SMS: variants seen among roughly 807,000 people sequenced by gnomAD.
The protein encoded by SMS is spermine synthase.
Under a neutral mutation model 33.0 loss-of-function variants are expected in SMS, and 3 were observed. That is an observed-to-expected ratio of 0.09 (90% CI 0.04 to 0.23). SMS has a LOEUF of 0.23. SMS is among the 10% of genes least tolerant of loss of function. The probability of loss-of-function intolerance (pLI) is 1.00; values close to 1 mark genes in which losing one functional copy is unlikely to be tolerated. For synonymous variants in SMS, 103 were observed against 112.2 expected, an observed-to-expected ratio of 0.92 and a Z score of 0.52; for missense variants, 117 against 288.6, an observed-to-expected ratio of 0.41 and a Z score of 4.31.
chrX:21,972,456 T>G (rs773570855), intron 3 of SMS, 51 bp from the exon 4 acceptor site: 12 of 845,843 alleles, frequency 1.4e-5, no homozygotes, highest in Non-Finnish European at 1.8e-5. Context: ...GTAATTTAGT[T>G]CTTCCATGCA....
chrX:21,972,006 T>A lies in SMS; in HGVS notation c.264+16T>A, dbSNP rs1057022824. The A allele has an allele frequency of 9.5e-7, 1 of 1,051,255 alleles. No individual in the cohort carries two copies. Among genetic ancestry groups the A allele is most frequent in the Non-Finnish European group, 1.3e-6 (1 of 750,031 alleles). 86.6% of individuals were successfully genotyped at this position (1,051,255 alleles called of 1,213,427 possible). On this transcript the variant is annotated intron_variant, in intron 3 of 10. Coordinates refer to ENST00000404933, the MANE Select transcript of SMS (RefSeq NM_004595.5). ...GATCGACAGTGTCGGTTTTTCACTTTCATTTACTCAGTGTTTAAGGATCAT... is the reference window on the plus strand; with the variant it reads ...GATCGACAGTGTCGGTTTTTCACTTACATTTACTCAGTGTTTAAGGATCAT...
Position 21,957,602 on chromosome X carries a change from G to A in SMS, c.50-9594G>A, listed in dbSNP as rs1341396375. 8.0e-5 allele frequency among the ~76,000 whole-genome samples: 9 copies of A among 112,033 alleles called. No individual in the cohort carries two copies. The South Asian group carries it at 1.5e-3, about 18-fold the overall frequency. On this transcript the variant is annotated intron_variant, in intron 1 of 10. Coordinates refer to ENST00000404933, the MANE Select transcript of SMS (RefSeq NM_004595.5). ...TGCCCGGCCTTCTTTTTCAAATAATGGCTTTTTTTCCTCTGGGTATATACC... is the reference window on the plus strand; with the variant it reads ...TGCCCGGCCTTCTTTTTCAAATAATAGCTTTTTTTCCTCTGGGTATATACC...
chrX:21,942,281 C>T (rs989317061), intron 1 of SMS, among the ~76,000 whole-genome samples: 1 of 111,313 alleles, frequency 9.0e-6, no homozygotes. Context: ...TAAAGGATCT[C>T]CGAAGGCACA....
chrX:21,985,113 A>G, intron 8 of SMS, 31 bp from the exon 9 acceptor site: 1 of 963,835 alleles, frequency 1.0e-6, no homozygotes, highest in Middle Eastern at 3.3e-4. Flanking sequence ...ACAAACCCAT[A>G]TTTATGAAAC....
At chrX:21,986,290 G>A (rs13440719) in intron 9 of SMS, among the ~76,000 whole-genome samples, 12,781 of 94,719 alleles carry the variant, frequency 0.13, 1,392 homozygotes, top group African/African-American at 0.35. Flanking sequence ...AGAGGTTGCA[G>A]TGAGCCGAGA....
chrX:21,984,233 C>T, intron 7 of SMS, 71 bp from the exon 8 acceptor site: 1 of 710,824 alleles, frequency 1.4e-6, no homozygotes, highest in Non-Finnish European at 2.3e-6. Context: ...TTCCTCCTTC[C>T]TTTACTATTG....
chrX:21,993,887 T>A (rs1326791776), intron 10 of SMS, among the ~76,000 whole-genome samples: 2 of 109,042 alleles, frequency 1.8e-5, no homozygotes, highest in Non-Finnish European at 3.8e-5. Context: ...TCCTCTGACC[T>A]TTTTTCCCTC....
chrX:21,985,383 T>C (rs748499785), intron 9 of SMS, among the ~76,000 whole-genome samples, 160 bp downstream of exon 9: 1 of 112,194 alleles, frequency 8.9e-6, no homozygotes, highest in African/African-American at 3.2e-5. Flanking sequence ...TGTTGTCTGT[T>C]GGGAATTAAT....
intron 2 of SMS, among the ~76,000 whole-genome samples, chrX:21,969,275 G>A (rs1923955738): frequency 8.9e-6 from 1 of 111,934 alleles, no homozygotes; most frequent in South Asian, 3.7e-4. Flanking sequence ...TAACTGTGTA[G>A]CAAACCTCCC....
At chrX:21,950,598 C>T (rs1922540260) in intron 1 of SMS, among the ~76,000 whole-genome samples, 1 of 108,109 alleles carries the variant, frequency 9.2e-6, no homozygotes, top group African/African-American at 3.4e-5. Flanking sequence ...CCTCCCCTTG[C>T]CCCCCACCCC....
At chrX:21,955,401 T>A (rs1198891063) in intron 1 of SMS, among the ~76,000 whole-genome samples, 2 of 112,150 alleles carry the variant, frequency 1.8e-5, no homozygotes, top group Non-Finnish European at 3.8e-5. Flanking sequence ...CCCTCTGTGA[T>A]GAGGGGGTGA....
intron 9 of SMS, among the ~76,000 whole-genome samples, chrX:21,989,255 G>C (rs942889051): frequency 9.0e-6 from 1 of 110,856 alleles, no homozygotes; most frequent in Non-Finnish European, 1.9e-5. Flanking sequence ...GGGCAACATA[G>C]TGAAGACCCC....
intron 1 of SMS, among the ~76,000 whole-genome samples, chrX:21,945,310 A>G (rs1922134866): frequency 8.9e-6 from 1 of 112,193 alleles, no homozygotes. Flanking sequence ...AGGATGGTCC[A>G]GAATTCAGAA....
intron 4 of SMS, 135 bp downstream of exon 4, chrX:21,972,706 T>TGA (rs1924256026): frequency 1.0e-5 from 5 of 499,987 alleles, no homozygotes. Context: ...GTCAGGAGTT[T>TGA]GAGACCAGCC....
At chrX:21,948,439 CTTTT>C (rs59082770) in intron 1 of SMS, among the ~76,000 whole-genome samples, 4 of 80,178 alleles carry the variant, frequency 5.0e-5, no homozygotes, top group East Asian at 7.4e-4. Flanking sequence ...GTCAATGTGT[CTTTT>C]TTTTTTTTTT....
rs757986544 is a variant in SMS at position 21,975,975 on chromosome X, C to A, written c.330-1086C>A. ...TGTTGAACACTACTGTGTTTGAGAA[C>A]ACATGACTCACGCAGTTGTGTTATG... is the stretch of plus-strand genomic sequence containing the variant. On this transcript the variant is annotated intron_variant, in intron 4 of 10. Coordinates refer to ENST00000404933, the MANE Select transcript of SMS (RefSeq NM_004595.5). 9.0e-5 allele frequency among the ~76,000 whole-genome samples: 10 copies of A among 110,823 alleles called. No individual in the cohort carries two copies. The South Asian group carries it at 3.9e-3, about 43-fold the overall frequency.
chrX:21,951,489 G>GT (rs887385289), intron 1 of SMS, among the ~76,000 whole-genome samples: 4 of 111,728 alleles, frequency 3.6e-5, no homozygotes, highest in African/African-American at 6.5e-5. Context: ...TGCTTTTGGT[G>GT]TTTTTTTGTC....
chrX:21,943,695 C>A (rs1356196240), intron 1 of SMS, among the ~76,000 whole-genome samples: 1 of 110,906 alleles, frequency 9.0e-6, no homozygotes, highest in Non-Finnish European at 1.9e-5. Flanking sequence ...TACAAGTGTT[C>A]TGGGCGTAAG....
At chrX:21,990,528 T>C (rs1190034615) in intron 9 of SMS, among the ~76,000 whole-genome samples, 1 of 112,842 alleles carries the variant, frequency 8.9e-6, no homozygotes, top group Non-Finnish European at 1.9e-5. Flanking sequence ...GTCATTCCAT[T>C]TAAATAGACA....
Sources: allele counts gnomAD v4.1 joint callset (sites outside exome capture counted in the v4.1 genomes callset), GRCh38; gene constraint gnomAD v4.1.1; transcripts MANE v1.5; gene names NCBI Gene and HGNC (gene_info 2026-07-23, HGNC 2026-07-21).